Variants in SHISA7 observed in about 807,000 individuals in gnomAD.
The protein encoded by SHISA7 is shisa family member 7.
SHISA7 carries 6 observed loss-of-function variants against 23.9 expected under a neutral mutation model. The observed-to-expected ratio is 0.25, with a 90% CI of 0.14 to 0.50. SHISA7 has a LOEUF of 0.50. Ranked by LOEUF, SHISA7 falls within the 20% of genes least tolerant of loss-of-function variation. The pLI is 0.98. For missense variants in SHISA7, 671 were observed against 801.1 expected, an observed-to-expected ratio of 0.84 and a Z score of 1.96; for synonymous variants, 386 against 398.3, an observed-to-expected ratio of 0.97 and a Z score of 0.37.
intron 1 of SHISA7, 149 bp from the exon 2 acceptor site, chr19:55,440,914 G>A (rs1006166684): frequency 1.3e-5 from 9 of 710,428 alleles, no homozygotes; most frequent in Admixed American, 8.7e-5. Context: ...TTTCTCGTTG[G>A]CCACGCCCCC....
In SHISA7 at chr19:55,442,355, G is replaced by T; in HGVS notation, c.509C>A (p.Thr170Asn). 6.9e-7 allele frequency: 1 copy of T among 1,441,750 alleles called. No individual in the cohort carries two copies. Among genetic ancestry groups the T allele is most frequent in the Non-Finnish European group, 9.0e-7 (1 of 1,105,762 alleles). 89.3% of individuals were successfully genotyped at this position (1,441,750 alleles called of 1,614,324 possible). A position where few individuals can be genotyped will look rare whatever the true frequency, so the allele number is the denominator to read the frequency against. ...GCCCCCGCGGCCCCCGGCACCCCCA[G>T]TCCGGCCCCCTTCCAACCACCCGGC... ...GQAGWLEGGRTGGAGGRGGEG... is the reference protein window; with the variant it reads ...GQAGWLEGGRNGGAGGRGGEG... Residue 170 changes from threonine (T) to asparagine (N), a missense_variant, in exon 1 of 4, where the codon ACT (threonine) becomes AAT (asparagine). Thr to Asn is a moderately conservative substitution (Grantham distance 65, BLOSUM62 0). Transcript: ENST00000376325.
intron 3 of SHISA7, among the ~76,000 whole-genome samples, chr19:55,436,226 G>A (rs1023026137): frequency 2.0e-5 from 3 of 151,774 alleles, no homozygotes; most frequent in Non-Finnish European, 4.4e-5. Context: ...GGCAGAGGTT[G>A]CAGTGAGCCG....
rs1985260094 is a variant in SHISA7, at chr19:55,433,375, G to A, written c.1398C>T (p.Arg466=). ...LGPGGPPTPL[R]GLPPPSSLHA... ...GCAGGCTGGACGGTGGCGGCAGCCC[G>A]CGCAGCGGTGTTGGGGGCCCCCCGG... The change falls in exon 4 of 4, where the codon CGC becomes CGT. Residue 466 remains arginine, a synonymous_variant. Coordinates refer to ENST00000376325, the MANE Select transcript of SHISA7 (RefSeq NM_001145176.2). This position sits in a 1 kb window ranked among gnomAD's most constrained non-coding sequence, Gnocchi z 8.4. 3 of 1,345,918 alleles carry A rather than the reference G, an allele frequency of 2.2e-6. No homozygotes were observed. Among genetic ancestry groups the A allele is most frequent in the Non-Finnish European group, 2.8e-6 (3 of 1,058,028 alleles). The allele number at this position is 1,345,918 out of a possible 1,614,324, so 83.4% of individuals were successfully genotyped here.
chr19:55,433,266 G>C lies in SHISA7; in HGVS notation c.1507C>G (p.Arg503Gly). 15 of 1,517,692 alleles carry C rather than the reference G, an allele frequency of 9.9e-6. No homozygotes were observed. The highest frequency in any genetic ancestry group is 1.3e-5 in the Non-Finnish European group (15 of 1,139,520). 94.0% of individuals were successfully genotyped at this position (1,517,692 alleles called of 1,614,324 possible). ...CCCTGGCGCTGGAAGGGCGGCCTGC[G>C]GGCCAGTGTGCCCCCGCCCCCGCCG... ...DAGGGGGTLARRPPFQRQGTL... is the reference protein window; with the variant it reads ...DAGGGGGTLAGRPPFQRQGTL... The change falls in exon 4 of 4, where the codon CGC (arginine) becomes GGC (glycine). Residue 503 changes from arginine (R) to glycine (G), a missense_variant. This residue lies in a region of SHISA7 where 457 missense variants were observed against 488.3 expected (regional missense o/e 0.94). Transcript: ENST00000376325. The surrounding 1 kb of genome is among the most constrained non-coding windows in gnomAD (Gnocchi z 8.4).
At position 55,432,573 on chromosome 19, in the gene SHISA7, C is replaced by T. The variant is rs73606259; in HGVS notation, c.*583G>A. 2,033 of 152,726 alleles carry T rather than the reference C, an allele frequency of 0.013. 58 individuals carry two copies. Among genetic ancestry groups the T allele is most frequent in the African/African-American group, 0.046 (1,892 of 41,534 alleles). 9.5% of individuals were successfully genotyped at this position (152,726 alleles called of 1,614,324 possible). On this transcript the variant is annotated 3_prime_UTR_variant, in exon 4 of 4. Transcript: ENST00000376325. This position sits in a 1 kb window ranked among gnomAD's most constrained non-coding sequence, Gnocchi z 4.6. ...ACGTGTCCCAGGAAGATGGCTTTGT[C>T]TGTAATGATGACATCATAGGACAGA...
intron 3 of SHISA7, among the ~76,000 whole-genome samples, chr19:55,435,146 T>G (rs1599872580): frequency 2.0e-5 from 2 of 101,672 alleles, no homozygotes; most frequent in Admixed American, 1.1e-4. Context: ...ATGTGTATGG[T>G]GTGTGTGTGT....
At position 55,433,699 on chromosome 19, in the gene SHISA7, C is replaced by A; in HGVS notation, c.1074G>T (p.Gly358=). 1 of 1,480,248 alleles carries A rather than the reference C, an allele frequency of 6.8e-7. No homozygotes were observed. Among genetic ancestry groups the A allele is most frequent in the Non-Finnish European group, 8.9e-7 (1 of 1,123,426 alleles). The allele number at this position is 1,480,248 out of a possible 1,614,324, so 91.7% of individuals were successfully genotyped here. The part of the protein sequence containing the change: ...PLHALRRPGT[G]GGYRMEAWGG... Reference sequence around the variant, plus strand: ...CCCAGGCCTCCATGCGATAGCCGCCCCCCGTGCCCGGCCGCCGCAGCGCGT... The same window carrying A: ...CCCAGGCCTCCATGCGATAGCCGCCACCCGTGCCCGGCCGCCGCAGCGCGT... Residue 358 remains glycine (G), a synonymous_variant, in exon 4 of 4, where the codon GGG becomes GGT. Transcript: ENST00000376325. The surrounding 1 kb of genome is among the most constrained non-coding windows in gnomAD (Gnocchi z 8.4).
chr19:55,430,677 A>ACG lies in SHISA7; in HGVS notation c.*2478_*2479insCG. ...AACACTGGACCTCATGGATCCTGGG[A>ACG]GATGATGACACCAGGGTTATGGTGG... is the stretch of plus-strand genomic sequence containing the variant. On this transcript the variant is annotated 3_prime_UTR_variant, in exon 4 of 4. Transcript: ENST00000376325. The ACG allele has an allele frequency of 6.6e-6, 1 of 150,620 alleles. No individual in the cohort carries two copies. The highest frequency in any genetic ancestry group is 1.5e-5 in the Non-Finnish European group (1 of 67,852). The allele number at this position is 150,620 out of a possible 1,614,324, so 9.3% of individuals were successfully genotyped here.
At chr19:55,437,501 G>A (rs1369067419) in intron 3 of SHISA7, 104 bp downstream of exon 3, 5 of 1,361,580 alleles carry the variant, frequency 3.7e-6, no homozygotes, top group Non-Finnish European at 4.9e-6. Context: ...TGGGAGAGAA[G>A]CTAAACCATT....
intron 2 of SHISA7, among the ~76,000 whole-genome samples, chr19:55,438,877 C>CT (rs1555754023): frequency 0.37 from 56,632 of 151,656 alleles, 11,525 homozygotes; most frequent in East Asian, 0.79. Context: ...AGCACCCCCC[C>CT]CCCTGGTGCC....
chr19:55,437,335 T>C (rs1985488867), intron 3 of SHISA7, among the ~76,000 whole-genome samples: 1 of 152,162 alleles, frequency 6.6e-6, no homozygotes, highest in Admixed American at 6.5e-5. Flanking sequence ...TTCCTTTAGC[T>C]GAAGTAGTAT....
chr19:55,436,825 T>C (rs1359669563), intron 3 of SHISA7, among the ~76,000 whole-genome samples: 1 of 152,194 alleles, frequency 6.6e-6, no homozygotes, highest in African/African-American at 2.4e-5. Context: ...GGGAGGATCA[T>C]GCTTGAGCCT....
intron 3 of SHISA7, among the ~76,000 whole-genome samples, chr19:55,435,425 T>A (rs960290220): frequency 8.1e-5 from 11 of 136,004 alleles, no homozygotes; most frequent in Non-Finnish European, 1.4e-4. Context: ...TGTGTGTGTG[T>A]GATTGAAATA....
In SHISA7 at chr19:55,429,750, TG is replaced by T; in HGVS notation, c.*3405del. 6.6e-6 allele frequency: 1 copy of T among 152,346 alleles called. No homozygotes were observed. Among genetic ancestry groups the T allele is most frequent in the Non-Finnish European group, 1.5e-5 (1 of 68,126 alleles). The allele number at this position is 152,346 out of a possible 1,614,324, so 9.4% of individuals were successfully genotyped here. A position where few individuals can be genotyped will look rare whatever the true frequency, so the allele number is the denominator to read the frequency against. On this transcript the variant is annotated 3_prime_UTR_variant, in exon 4 of 4. Transcript: ENST00000376325. ...TGAGGGAAGATTGTGCATTGGGTGC[TG>T]GGGACTTCCTGCCACCCCCGGAGGC...
rs75975736 is a variant in SHISA7, at chr19:55,435,954, A to G, written c.976+1651T>C. Among the ~76,000 whole-genome samples the G allele has an allele frequency of 2.7e-4, 19 of 70,516 alleles. No individual in the cohort carries two copies. In the South Asian group the frequency reaches 4.0e-3, roughly 15 times the overall value. 46.3% of individuals were successfully genotyped at this position (70,516 alleles called of 152,430 possible). Reference sequence around the variant, plus strand: ...ATTTCCTGTAATTAAAAATATACACATGTGTGTGTGTGTGTGTGTCTCACG... The same window carrying G: ...ATTTCCTGTAATTAAAAATATACACGTGTGTGTGTGTGTGTGTGTCTCACG... On this transcript the variant is annotated intron_variant, in intron 3 of 3. Transcript: ENST00000376325.
rs144690424 is a variant in SHISA7, at chr19:55,431,546, A to G, written c.*1610T>C. On this transcript the variant is annotated 3_prime_UTR_variant, in exon 4 of 4. Transcript: ENST00000376325. ...GTAAATCCTGGAAGAAGATGATACC[A>G]TAGTTGTGGGTCATAGGTAATCCTG... is the stretch of plus-strand genomic sequence containing the variant. 3.3e-5 allele frequency: 5 copies of G among 152,230 alleles called. No individual in the cohort carries two copies. In the East Asian group the frequency reaches 7.7e-4, roughly 24 times the overall value. The allele number at this position is 152,230 out of a possible 1,614,324, so 9.4% of individuals were successfully genotyped here. A position where few individuals can be genotyped will look rare whatever the true frequency, so the allele number is the denominator to read the frequency against.
In SHISA7 at chr19:55,433,998, C is replaced by CT. The variant is rs201829253; in HGVS notation, c.977-203dup. ...CAGTAGATGTGGAGGACTTCCTCTT[C>CT]TTCCCCCCCGCGCCGCCTATCCCTT... On this transcript the variant is annotated intron_variant, in intron 3 of 3. Transcript: ENST00000376325. This position sits in a 1 kb window ranked among gnomAD's most constrained non-coding sequence, Gnocchi z 8.4. Among the ~76,000 whole-genome samples, 1 of 151,888 alleles carries CT rather than the reference C, an allele frequency of 6.6e-6. No homozygotes were observed. The highest frequency in any genetic ancestry group is 2.4e-5 in the African/African-American group (1 of 41,252).
intron 2 of SHISA7, 108 bp downstream of exon 2, chr19:55,440,503 A>G: frequency 9.4e-7 from 1 of 1,068,584 alleles, no homozygotes; most frequent in Non-Finnish European, 1.2e-6. Flanking sequence ...GTAGGGGGTG[A>G]GGGCGGGTCC....
At chr19:55,440,570 G>T in intron 2 of SHISA7, 41 bp downstream of exon 2, 3 of 1,248,864 alleles carry the variant, frequency 2.4e-6, no homozygotes, top group Non-Finnish European at 3.0e-6. Flanking sequence ...AAGGGGCGTG[G>T]CCAGAGACGG....
Sources: gnomAD v4.1 joint callset for allele counts (sites outside exome capture counted in the v4.1 genomes callset) on GRCh38, gnomAD v4.1.1 for gene constraint, gnomAD v4.1.1 regional missense constraint, Gnocchi (gnomAD v3.1) non-coding constraint, MANE v1.5 for transcripts, NCBI Gene and HGNC (gene_info 2026-07-23, HGNC 2026-07-21) for gene names.